Variants in PALM2AKAP2 observed in about 807,000 individuals in gnomAD.
PALM2AKAP2 encodes PALM2 and AKAP2 fusion.
A neutral mutation model predicts 71.5 loss-of-function variants in PALM2AKAP2; 37 were observed. That is an observed-to-expected ratio of 0.52 (90% CI 0.40 to 0.68). The LOEUF is 0.68. Ranked by LOEUF, PALM2AKAP2 falls within the 30% of genes least tolerant of loss-of-function variation. The probability of loss-of-function intolerance (pLI) is 0.00; values close to 1 mark genes in which losing one functional copy is unlikely to be tolerated. For missense variants in PALM2AKAP2, 1,224 were observed against 1,191.8 expected (o/e 1.03, Z -0.40); for synonymous variants, 468 against 478.8 (o/e 0.98, Z 0.29).
chr9:109,873,062 G>A (rs547239457), intron 2 of PALM2AKAP2, among the ~76,000 whole-genome samples: 3 of 152,298 alleles, frequency 2.0e-5, no homozygotes, highest in Non-Finnish European at 2.9e-5. Context: ...AGGAAGGAAA[G>A]AGTGGGAAGG....
chr9:110,090,261 G>A (rs943004820), intron 1 of PALM2AKAP2: 1 of 433,526 alleles, frequency 2.3e-6, no homozygotes, highest in Non-Finnish European at 4.7e-6. Flanking sequence ...CTGTGACCTG[G>A]CAGAGGGCTG....
At chr9:109,970,147 GT>G (rs1172874437) in intron 6 of PALM2AKAP2, among the ~76,000 whole-genome samples, 1 of 151,284 alleles carries the variant, frequency 6.6e-6, no homozygotes, top group African/African-American at 2.4e-5. Context: ...ATTAGGTTTT[GT>G]TTTTTTTCTT....
chr9:109,788,434 G>A (rs1179889635), intron 1 of PALM2AKAP2, among the ~76,000 whole-genome samples: 1 of 152,180 alleles, frequency 6.6e-6, no homozygotes, highest in Admixed American at 6.5e-5. Context: ...ATTCTCAAAC[G>A]TTAGTGCATT....
chr9:109,816,230 C>A (rs957394604), intron 1 of PALM2AKAP2, among the ~76,000 whole-genome samples: 2 of 152,154 alleles, frequency 1.3e-5, no homozygotes, highest in African/African-American at 4.8e-5. Context: ...GCTTAGCTCT[C>A]ATTTGGGATT....
intron 3 of PALM2AKAP2, among the ~76,000 whole-genome samples, chr9:109,897,964 A>C (rs1375579166): frequency 6.6e-6 from 1 of 152,212 alleles, no homozygotes; most frequent in Non-Finnish European, 1.5e-5. Flanking sequence ...TTTTTTTATC[A>C]CCAGTGTATG....
At position 109,780,499 on chromosome 9, in the gene PALM2AKAP2, C is replaced by T. The variant is rs773572384; in HGVS notation, c.11C>T (p.Ala4Val). ...GTGCCCTTCTCCAGGATGGCAGAGG[C>T]GGAATTGCACAAGGAAAGGCTGCAA... The change falls in exon 1 of 10, where the codon GCG becomes GTG. Residue 4 changes from alanine (A) to valine (V), a missense_variant. Transcript: ENST00000302798. The T allele has an allele frequency of 3.1e-6, 5 of 1,613,536 alleles. No homozygotes were observed. In the East Asian group the frequency reaches 8.9e-5, roughly 29 times the overall value.
chr9:109,977,414 C>T (rs1016632075), intron 6 of PALM2AKAP2, among the ~76,000 whole-genome samples: 3 of 152,108 alleles, frequency 2.0e-5, no homozygotes, highest in African/African-American at 4.8e-5. Flanking sequence ...ATGACTTGCT[C>T]GACATGCTAG....
chr9:109,929,683 T>C (rs1831045982), intron 5 of PALM2AKAP2, among the ~76,000 whole-genome samples: 1 of 151,498 alleles, frequency 6.6e-6, no homozygotes, highest in Non-Finnish European at 1.5e-5. Flanking sequence ...GCTAACACAG[T>C]GAAACCCCAT....
intron 4 of PALM2AKAP2, among the ~76,000 whole-genome samples, chr9:109,924,371 G>A (rs1179629375): frequency 2.0e-5 from 3 of 152,100 alleles, no homozygotes; most frequent in Non-Finnish European, 4.4e-5. Flanking sequence ...GGCCGGGGCG[G>A]GTGGATCACG....
At chr9:109,737,737 T>C (rs1828658396) in intron 1 of PALM2AKAP2, among the ~76,000 whole-genome samples, 1 of 152,250 alleles carries the variant, frequency 6.6e-6, no homozygotes, top group South Asian at 2.1e-4. Context: ...CTACATTGTT[T>C]AGCAAATATG....
intron 1 of PALM2AKAP2, among the ~76,000 whole-genome samples, chr9:110,097,518 G>A (rs144549345): frequency 0.035 from 3,899 of 111,652 alleles, 143 homozygotes; most frequent in East Asian, 0.23. Flanking sequence ...CTCACATCCC[G>A]GACGGGGCGA....
At chr9:110,140,266 C>A (rs375517019) in intron 2 of PALM2AKAP2, among the ~76,000 whole-genome samples, 3 of 152,284 alleles carry the variant, frequency 2.0e-5, no homozygotes, top group African/African-American at 7.2e-5. Flanking sequence ...CACGGGAGCC[C>A]TTTCTGGCTA....
chr9:110,014,800 AAAAATGTATAT>A (rs1303258765), intron 6 of PALM2AKAP2, among the ~76,000 whole-genome samples: 2,021 of 51,572 alleles, frequency 0.039, 166 homozygotes, highest in Middle Eastern at 0.083. Context: ...AAAAAAAAAA[AAAAATGTATAT>A]ATATATATAT....
intron 7 of PALM2AKAP2, among the ~76,000 whole-genome samples, chr9:110,040,973 G>A (rs545217466): frequency 6.6e-6 from 1 of 152,284 alleles, no homozygotes; most frequent in Non-Finnish European, 1.5e-5. Context: ...ACTCTGGAGT[G>A]TTTACTAGAT....
chr9:110,028,634 GT>G (rs1833224254), intron 7 of PALM2AKAP2, among the ~76,000 whole-genome samples: 2 of 152,140 alleles, frequency 1.3e-5, no homozygotes, highest in African/African-American at 4.8e-5. Context: ...CTCTGTTTGG[GT>G]TTTAATAAGT....
chr9:110,015,844 C>T, intron 6 of PALM2AKAP2, 110 bp from the exon 7 acceptor site: 1 of 1,009,038 alleles, frequency 9.9e-7, no homozygotes, highest in South Asian at 1.4e-5. Flanking sequence ...TATAGGTCAT[C>T]ATCAGCTCCC....
intron 1 of PALM2AKAP2, among the ~76,000 whole-genome samples, chr9:109,849,594 G>C (rs1294320654): frequency 6.6e-6 from 1 of 151,808 alleles, no homozygotes; most frequent in African/African-American, 2.4e-5. Flanking sequence ...CTAAAAAAAA[G>C]AAAATACAAA....
intron 1 of PALM2AKAP2, among the ~76,000 whole-genome samples, chr9:109,655,392 T>C (rs539338638): frequency 3.3e-5 from 5 of 152,186 alleles, no homozygotes; most frequent in African/African-American, 1.2e-4. Flanking sequence ...TTACAAAATA[T>C]GGATAAAGGG....
At chr9:109,952,572 G>A (rs766959052) in intron 6 of PALM2AKAP2, among the ~76,000 whole-genome samples, 11 of 152,182 alleles carry the variant, frequency 7.2e-5, no homozygotes, top group Non-Finnish European at 1.5e-4. Context: ...AGAACGTGGA[G>A]GAAATGCAAG....
Sources: allele counts gnomAD v4.1 joint callset (sites outside exome capture counted in the v4.1 genomes callset), GRCh38; gene constraint gnomAD v4.1.1; transcripts MANE v1.5; gene names NCBI Gene and HGNC (gene_info 2026-07-23, HGNC 2026-07-21).